Variants in FAM111B observed in about 807,000 individuals in gnomAD.
FAM111B encodes FAM111 trypsin like peptidase B.
In FAM111B, 1 loss-of-function variant was observed where a neutral mutation model predicts 2.8. That is an observed-to-expected ratio of 0.36 (90% CI 0.13 to 1.70). FAM111B has a LOEUF of 1.70. Among genes scored for constraint, FAM111B ranks in the 40% most tolerant of loss-of-function variants. FAM111B has a pLI of 0.35. For synonymous variants in FAM111B, 297 were observed against 295.6 expected (o/e 1.00, Z -0.05); for missense variants, 882 against 878.9 (o/e 1.00, Z -0.04).
chr11:59,111,181 C>T (rs1241871193), intron 3 of FAM111B, among the ~76,000 whole-genome samples: 3 of 152,120 alleles, frequency 2.0e-5, no homozygotes, highest in Non-Finnish European at 2.9e-5. Flanking sequence ...ATCCTGGTTT[C>T]CTGAGGAAAC....
chr11:59,123,484 T>C (rs1379935484), intron 3 of FAM111B, among the ~76,000 whole-genome samples: 1 of 152,180 alleles, frequency 6.6e-6, no homozygotes, highest in Non-Finnish European at 1.5e-5. Flanking sequence ...ACATCCTCAG[T>C]TGCGGTATTT....
intron 3 of FAM111B, chr11:59,109,955 G>C (rs575511330): frequency 8.6e-4 from 232 of 268,700 alleles, no homozygotes; most frequent in Non-Finnish European, 1.3e-3. Flanking sequence ...GTCTTGGAAA[G>C]TGTAGACAGG....
chr11:59,115,922 G>A (rs1859833459), intron 3 of FAM111B, among the ~76,000 whole-genome samples: 1 of 152,210 alleles, frequency 6.6e-6, no homozygotes, highest in South Asian at 2.1e-4. Context: ...GCAAGTTCTG[G>A]TAGTCAGCGG....
chr11:59,125,457 C>T lies in FAM111B; in HGVS notation c.1360C>T (p.Leu454Phe). 6.2e-7 allele frequency: 1 copy of T among 1,613,942 alleles called. No homozygotes were observed. Among genetic ancestry groups the T allele is most frequent in the South Asian group, 1.1e-5 (1 of 91,080 alleles). The change falls in exon 4 of 4, where the codon CTT becomes TTT. Residue 454 changes from leucine to phenylalanine, a missense_variant. Transcript: ENST00000343597. ...NSVSVATCEQLTYYSKSVGFM... is the reference protein window; with the variant it reads ...NSVSVATCEQFTYYSKSVGFM... ...TGTTTCAGTTGCAACCTGCGAACAG[C>T]TTACATATTATAGCAAGTCAGTTGG...
At chr11:59,109,814 C>A in intron 3 of FAM111B, 108 bp downstream of exon 3, 1 of 612,464 alleles carries the variant, frequency 1.6e-6, no homozygotes, top group Non-Finnish European at 2.7e-6. Flanking sequence ...AAGCCCTTCT[C>A]TTAGGTAGTT....
chr11:59,126,109 A>G lies in FAM111B; in HGVS notation c.2012A>G (p.Tyr671Cys). ...LVALHTFGLF[Y>C]QRGFNVHALI... Reference sequence around the variant, plus strand: ...GCTTTGCATACCTTTGGGCTTTTTTATCAACGAGGATTTAATGTGCATGCC... The same window carrying G: ...GCTTTGCATACCTTTGGGCTTTTTTGTCAACGAGGATTTAATGTGCATGCC... The change falls in exon 4 of 4, where the codon TAT becomes TGT. Residue 671 changes from tyrosine (Y) to cysteine (C), a missense_variant. By Grantham distance (194) the Tyr-to-Cys change is radical. Transcript: ENST00000343597. 2 of 1,613,418 alleles carry G rather than the reference A, an allele frequency of 1.2e-6. No individual in the cohort carries two copies. The highest frequency in any genetic ancestry group is 1.7e-6 in the Non-Finnish European group (2 of 1,179,654).
chr11:59,126,664 T>C lies in FAM111B; in HGVS notation c.*362T>C. ...GATATGAAAAAATACCTGATATCAC[T>C]AATCATTAGAGAAATGCAAATCAAA... On this transcript the variant is annotated 3_prime_UTR_variant, in exon 4 of 4. Coordinates refer to ENST00000343597, the MANE Select transcript of FAM111B (RefSeq NM_198947.4). 1 of 168,708 alleles carries C rather than the reference T, an allele frequency of 5.9e-6. No individual in the cohort carries two copies. The highest frequency in any genetic ancestry group is 1.3e-5 in the Non-Finnish European group (1 of 77,314). The allele number at this position is 168,708 out of a possible 1,614,324, so 10.5% of individuals were successfully genotyped here.
rs1183286802 is a variant in FAM111B, at chr11:59,126,907, A to G, written c.*605A>G. ...TGACTGGGTATATGTCCAAAGGAAT[A>G]TAAATTGTTCTACCATAAAGACATG... On this transcript the variant is annotated 3_prime_UTR_variant, in exon 4 of 4. Coordinates refer to ENST00000343597, the MANE Select transcript of FAM111B (RefSeq NM_198947.4). 6.4e-6 allele frequency: 1 copy of G among 157,200 alleles called. No homozygotes were observed. The highest frequency in any genetic ancestry group is 1.5e-5 in the Non-Finnish European group (1 of 68,066). The allele number at this position is 157,200 out of a possible 1,614,324, so 9.7% of individuals were successfully genotyped here.
At chr11:59,112,408 C>T (rs1859773977) in intron 3 of FAM111B, among the ~76,000 whole-genome samples, 1 of 152,122 alleles carries the variant, frequency 6.6e-6, no homozygotes, top group African/African-American at 2.4e-5. Flanking sequence ...CATTCACTCC[C>T]TTAAGAACAT....
At chr11:59,115,939 A>G (rs1467080104) in intron 3 of FAM111B, among the ~76,000 whole-genome samples, 3 of 152,180 alleles carry the variant, frequency 2.0e-5, no homozygotes, top group Admixed American at 6.5e-5. Context: ...GCGGGTGTGG[A>G]AAAATGCATT....
chr11:59,124,982 C>G lies in FAM111B; in HGVS notation c.885C>G (p.His295Gln), dbSNP rs763591821. 4.3e-6 allele frequency: 7 copies of G among 1,611,556 alleles called. No homozygotes were observed. Among genetic ancestry groups the G allele is most frequent in the Non-Finnish European group, 5.9e-6 (7 of 1,179,344 alleles). Residue 295 changes from histidine to glutamine, a missense_variant, in exon 4 of 4, where the codon CAC becomes CAG. His to Gln is a conservative substitution (Grantham distance 24). Coordinates refer to ENST00000343597, the MANE Select transcript of FAM111B (RefSeq NM_198947.4). ...QNESATDEIN[H>Q]QSLIQSKKKV... is the part of the protein sequence containing the mutation. Reference sequence around the variant, plus strand: ...AAAGTGCCACTGATGAAATTAATCACCAGAGTCTGATACAGTCTAAGAAAA... The same window carrying G: ...AAAGTGCCACTGATGAAATTAATCAGCAGAGTCTGATACAGTCTAAGAAAA...
intron 3 of FAM111B, among the ~76,000 whole-genome samples, chr11:59,117,862 A>G (rs551876204): frequency 1.3e-5 from 2 of 152,334 alleles, no homozygotes; most frequent in East Asian, 1.9e-4. Flanking sequence ...AAAACTTAGT[A>G]AAAACATACA....
At chr11:59,110,133 A>G (rs2135395046) in intron 3 of FAM111B, 1 of 152,486 alleles carries the variant, frequency 6.6e-6, no homozygotes, top group East Asian at 1.9e-4. Context: ...TAGTTGCAGA[A>G]GTAATGGACT....
intron 3 of FAM111B, among the ~76,000 whole-genome samples, chr11:59,110,254 G>A (rs894434659): frequency 6.6e-6 from 1 of 152,152 alleles, no homozygotes; most frequent in African/African-American, 2.4e-5. Context: ...ACATAAACAA[G>A]TGATTTTAGA....
chr11:59,124,370 A>G lies in FAM111B; in HGVS notation c.273A>G (p.Lys91=), dbSNP rs1289927168. The change falls in exon 4 of 4, where the codon AAA becomes AAG. Residue 91 remains lysine, a synonymous_variant. Coordinates refer to ENST00000343597, the MANE Select transcript of FAM111B (RefSeq NM_198947.4). ...FTFTLNGNSR[K]LDRSVFTAYG... is the part of the protein sequence containing the mutation. ...TTACGTTGAATGGAAACTCCAGAAA[A>G]TTAGACCGTAGTGTGTTTACAGCAT... 26 of 1,613,728 alleles carry G rather than the reference A, an allele frequency of 1.6e-5. No homozygotes were observed. Among genetic ancestry groups the G allele is most frequent in the African/African-American group, 2.7e-5 (2 of 74,936 alleles).
At chr11:59,116,832 C>T (rs902096627) in intron 3 of FAM111B, among the ~76,000 whole-genome samples, 1 of 152,194 alleles carries the variant, frequency 6.6e-6, no homozygotes, top group Admixed American at 6.5e-5. Context: ...AGAATGGTGG[C>T]AAGAACTCAG....
At position 59,126,255 on chromosome 11, in the gene FAM111B, CAA is replaced by C; in HGVS notation, c.2159_2160del (p.Gln720ArgfsTer10). The C allele has an allele frequency of 1.9e-6, 3 of 1,582,366 alleles. No individual in the cohort carries two copies. The highest frequency in any genetic ancestry group is 1.4e-5 in the African/African-American group (1 of 73,142). On this transcript the variant is annotated frameshift_variant, in exon 4 of 4. Coordinates refer to ENST00000343597, the MANE Select transcript of FAM111B (RefSeq NM_198947.4). LOFTEE classifies it low-confidence loss of function (END_TRUNC). The part of the protein sequence containing the change: ...LETYDEEKGK[Q>X]ESSLQDHQIE... ...GACCTACGATGAAGAGAAAGGTAAA[CAA>C]GAGTCATCACTTCAAGATCATCAGA...
In FAM111B at chr11:59,127,336, A is replaced by G. The variant is rs572487140; in HGVS notation, c.*1034A>G. On this transcript the variant is annotated 3_prime_UTR_variant, in exon 4 of 4. Transcript: ENST00000343597. The stretch of plus-strand genomic sequence containing the variant: ...AATCTGAACACAAAACCCTGGTGAC[A>G]TGCAGTTTACCTATATAACAAAACT... The G allele has an allele frequency of 6.6e-6, 1 of 152,296 alleles. No homozygotes were observed. Among genetic ancestry groups the G allele is most frequent in the Non-Finnish European group, 1.5e-5 (1 of 68,004 alleles). 9.4% of individuals were successfully genotyped at this position (152,296 alleles called of 1,614,324 possible).
At chr11:59,114,422 AG>A (rs1859808834) in intron 3 of FAM111B, among the ~76,000 whole-genome samples, 1 of 152,114 alleles carries the variant, frequency 6.6e-6, no homozygotes, top group Non-Finnish European at 1.5e-5. Flanking sequence ...CAGTGGCCTG[AG>A]ACTGGGAGCT....
Sources: gnomAD v4.1 joint callset for allele counts (sites outside exome capture counted in the v4.1 genomes callset) on GRCh38, gnomAD v4.1.1 for gene constraint, MANE v1.5 for transcripts, NCBI Gene and HGNC (gene_info 2026-07-23, HGNC 2026-07-21) for gene names.